Variants in WDR27 observed in about 807,000 individuals in gnomAD.
The protein encoded by WDR27 is WD repeat domain 27, also known as WD repeat-containing protein 27.
Under a neutral mutation model 114.4 loss-of-function variants are expected in WDR27, and 100 were observed. The observed-to-expected ratio is 0.87, with a 90% CI of 0.74 to 1.03. The LOEUF is 1.03. Ranked by LOEUF, WDR27 falls within the 50% of genes least tolerant of loss-of-function variation. The pLI, the probability that WDR27 is intolerant of heterozygous loss-of-function variation, is 0.00. For missense variants in WDR27, 1,129 were observed against 1,092.9 expected (o/e 1.03, Z -0.47); for synonymous variants, 449 against 423.1 (o/e 1.06, Z -0.75).
At chr6:169,468,121 G>C (rs1785850981) in intron 25 of WDR27, among the ~76,000 whole-genome samples, 1 of 152,180 alleles carries the variant, frequency 6.6e-6, no homozygotes, top group African/African-American at 2.4e-5. Flanking sequence ...CTTTACTCCA[G>C]TTCCCAAAAA....
At position 169,533,700 on chromosome 6, in the gene WDR27, C is replaced by T. The variant is rs566898845; in HGVS notation, c.2645+38719G>A. The stretch of plus-strand genomic sequence containing the variant: ...TGTGTTCACAGAACCATGCAGGCAC[C>T]GGCCTGTGATCCCATCTGCTGCAGT... On this transcript the variant is annotated intron_variant, in intron 25 of 25. Coordinates refer to ENST00000448612, the MANE Select transcript of WDR27 (RefSeq NM_182552.5). Among the ~76,000 whole-genome samples the T allele has an allele frequency of 5.9e-5, 9 of 152,306 alleles. No homozygotes were observed. The East Asian group carries it at 1.2e-3, about 20-fold the overall frequency.
chr6:169,574,069 C>T (rs1801869989), intron 24 of WDR27, among the ~76,000 whole-genome samples: 1 of 152,276 alleles, frequency 6.6e-6, no homozygotes, highest in African/African-American at 2.4e-5. Flanking sequence ...CTGAAGCTGA[C>T]AACGCATCCC....
the WDR27 span, among the ~76,000 whole-genome samples, chr6:169,438,533 A>C: frequency 1.3e-5 from 2 of 152,268 alleles, no homozygotes; most frequent in Admixed American, 1.3e-4. Flanking sequence ...CACCGCACCC[A>C]GCCATGCTTT....
intron 1 of WDR27, 102 bp from the exon 2 acceptor site, chr6:169,689,114 T>C (rs1467907925): frequency 6.2e-6 from 4 of 643,068 alleles, no homozygotes; most frequent in African/African-American, 3.7e-5. Flanking sequence ...CACACACATA[T>C]ACCACATCAT....
At chr6:169,587,062 G>A (rs922821490) in intron 23 of WDR27, among the ~76,000 whole-genome samples, 4 of 151,714 alleles carry the variant, frequency 2.6e-5, no homozygotes, top group Admixed American at 1.3e-4. Flanking sequence ...CAAACCAGTA[G>A]AGTTGACCTA....
intron 25 of WDR27, among the ~76,000 whole-genome samples, chr6:169,552,973 G>GGGGTGTGTGTGT (rs1472592601): frequency 1.6e-5 from 1 of 61,792 alleles, no homozygotes; most frequent in African/African-American, 6.5e-5. Flanking sequence ...GGGCCTGCCC[G>GGGGTGTGTGTGT]GTGTGTGTGT....
intron 25 of WDR27, among the ~76,000 whole-genome samples, chr6:169,560,582 G>C (rs1434542520): frequency 6.6e-6 from 1 of 152,218 alleles, no homozygotes; most frequent in African/African-American, 2.4e-5. Context: ...GGGCCTTGTG[G>C]CTCTGAATTT....
chr6:169,664,516 C>G, intron 7 of WDR27: 1 of 1,392,680 alleles, frequency 7.2e-7, no homozygotes, highest in Non-Finnish European at 9.3e-7. Context: ...CAGCTCAGGG[C>G]ACATGGGCAG....
At chr6:169,587,379 C>T (rs1009556083) in intron 23 of WDR27, among the ~76,000 whole-genome samples, 15 of 151,970 alleles carry the variant, frequency 9.9e-5, no homozygotes, top group Admixed American at 1.3e-4. Flanking sequence ...GCACCACACG[C>T]GGCTAGTTTT....
chr6:169,448,390 C>CCA, the WDR27 span, among the ~76,000 whole-genome samples: 2 of 80,278 alleles, frequency 2.5e-5, no homozygotes, highest in African/African-American at 1.0e-4. Flanking sequence ...GTCTCTGTCT[C>CCA]TATGTGTGTG....
At chr6:169,427,174 G>C in the WDR27 span, 1 of 152,568 alleles carries the variant, frequency 6.6e-6, no homozygotes, top group East Asian at 1.9e-4. Context: ...TTGCAGGACT[G>C]AGCAGGTGGG....
intron 25 of WDR27, among the ~76,000 whole-genome samples, chr6:169,563,993 C>T (rs1459306365): frequency 6.6e-6 from 1 of 152,200 alleles, no homozygotes; most frequent in Non-Finnish European, 1.5e-5. Flanking sequence ...AGAATTCACT[C>T]ACACCATCAC....
intron 2 of WDR27, among the ~76,000 whole-genome samples, chr6:169,678,710 G>A (rs982423523): frequency 9.2e-5 from 14 of 152,062 alleles, no homozygotes; most frequent in Admixed American, 3.3e-4. Flanking sequence ...CCTTTCTATC[G>A]TGGCTGACTT....
intron 17 of WDR27, among the ~76,000 whole-genome samples, chr6:169,641,751 G>C (rs889703676): frequency 7.2e-5 from 11 of 152,218 alleles, no homozygotes; most frequent in African/African-American, 2.4e-4. Context: ...TTTTTATACA[G>C]TTCCACTATC....
intron 2 of WDR27, among the ~76,000 whole-genome samples, chr6:169,675,297 C>A (rs1779804230): frequency 1.3e-5 from 2 of 152,174 alleles, no homozygotes; most frequent in South Asian, 4.2e-4. Flanking sequence ...TACCTCCCCC[C>A]ATGCCTTGCT....
rs961080647 is a variant in WDR27, at chr6:169,613,941, C to A, written c.2224-285G>T. On this transcript the variant is annotated intron_variant, in intron 21 of 25. Transcript: ENST00000448612. ...CAAAAAAGACCAAGATAGTAATACA[C>A]CAAAATTCATGTTTACAGTATAGAC... Among the ~76,000 whole-genome samples, 9 of 152,186 alleles carry A rather than the reference C, an allele frequency of 5.9e-5. No homozygotes were observed. In the South Asian group the frequency reaches 1.0e-3, roughly 18 times the overall value.
chr6:169,603,123 T>G (rs1165890853), intron 22 of WDR27, among the ~76,000 whole-genome samples: 3 of 151,792 alleles, frequency 2.0e-5, no homozygotes, highest in East Asian at 1.9e-4. Flanking sequence ...ATTACAGGTT[T>G]GAGCCACCAC....
At chr6:169,687,737 A>T (rs1387592275) in intron 2 of WDR27, among the ~76,000 whole-genome samples, 1 of 152,216 alleles carries the variant, frequency 6.6e-6, no homozygotes, top group Non-Finnish European at 1.5e-5. Flanking sequence ...GTACACCCAC[A>T]TCCCACAGTT....
chr6:169,619,966 G>A (rs1299617724), intron 21 of WDR27, among the ~76,000 whole-genome samples: 1 of 152,202 alleles, frequency 6.6e-6, no homozygotes, highest in Admixed American at 6.5e-5. Context: ...AAAGACACAT[G>A]TTTTGGAGTG....
Sources: allele counts gnomAD v4.1 joint callset (sites outside exome capture counted in the v4.1 genomes callset), GRCh38; gene constraint gnomAD v4.1.1; transcripts MANE v1.5; gene names NCBI Gene and HGNC (gene_info 2026-07-23, HGNC 2026-07-21).